Variants in ANK3 observed in about 807,000 individuals in gnomAD.
ANK3 encodes ankyrin 3.
In ANK3, 57 loss-of-function variants were observed where a neutral mutation model predicts 370.9. The ratio of observed to expected loss-of-function variants is 0.15; its 90% CI spans 0.12 to 0.19. The LOEUF is 0.19. Among genes scored for constraint, ANK3 ranks in the 10% least tolerant of loss-of-function variants. The pLI is 1.00. For missense variants in ANK3, 4,439 were observed against 5,302.1 expected (o/e 0.84, Z 5.06); for synonymous variants, 1,929 against 1,946.3 (o/e 0.99, Z 0.23).
intron 2 of ANK3, among the ~76,000 whole-genome samples, chr10:60,428,370 T>C (rs927633319): frequency 6.6e-6 from 1 of 152,182 alleles, no homozygotes; most frequent in African/African-American, 2.4e-5. Context: ...CTCCTCATTT[T>C]ACATGGTGCT....
chr10:60,687,357 A>G (rs1051076786), intron 1 of ANK3, among the ~76,000 whole-genome samples: 1 of 152,172 alleles, frequency 6.6e-6, no homozygotes, highest in Non-Finnish European at 1.5e-5. Flanking sequence ...GCAAATAAAC[A>G]CCTAGGAACC....
intron 1 of ANK3, among the ~76,000 whole-genome samples, chr10:60,714,798 T>A (rs1178819560): frequency 6.6e-6 from 1 of 152,180 alleles, no homozygotes; most frequent in African/African-American, 2.4e-5. Flanking sequence ...GAGACCAGCC[T>A]GGGCAACATG....
chr10:60,152,753 C>A (rs2132253767), intron 23 of ANK3, among the ~76,000 whole-genome samples: 1 of 152,156 alleles, frequency 6.6e-6, no homozygotes, highest in South Asian at 2.1e-4. Flanking sequence ...AAATAAACAC[C>A]ATCCAGGTGA....
chr10:60,399,286 CA>C (rs2063307261), intron 2 of ANK3, among the ~76,000 whole-genome samples: 1 of 152,110 alleles, frequency 6.6e-6, no homozygotes, highest in Admixed American at 6.5e-5. Context: ...AGAACGAGCT[CA>C]GGTCTGTGAC....
rs529076933 is a variant in ANK3 at position 60,631,393 on chromosome 10, A to T, written c.58-16169T>A. Among the ~76,000 whole-genome samples, 108 of 152,102 alleles carry T rather than the reference A, an allele frequency of 7.1e-4. No individual in the cohort carries two copies. The Middle Eastern group carries it at 0.01, about 14-fold the overall frequency. On this transcript the variant is annotated intron_variant, in intron 1 of 43. Coordinates refer to the ANK3 transcript ENST00000373827. ...AATACCAAAAAAAAATTATCTGGGC[A>T]TGGAGGTGCGTGCCTCTAGTCCCAG...
At chr10:60,448,487 T>C (rs972470605) in intron 2 of ANK3, among the ~76,000 whole-genome samples, 1 of 152,208 alleles carries the variant, frequency 6.6e-6, no homozygotes, top group African/African-American at 2.4e-5. Context: ...TTACTGACAT[T>C]TATTGGTGCT....
intron 2 of ANK3, among the ~76,000 whole-genome samples, chr10:60,474,618 C>A (rs1056319065): frequency 2.6e-5 from 4 of 152,170 alleles, no homozygotes; most frequent in African/African-American, 9.7e-5. Context: ...CAATTGTGGC[C>A]TTTCAAATAG....
intron 2 of ANK3, among the ~76,000 whole-genome samples, chr10:60,425,959 G>T (rs2063877541): frequency 6.6e-6 from 1 of 152,036 alleles, no homozygotes; most frequent in Admixed American, 6.6e-5. Context: ...GTTAAAATGG[G>T]TATAATATGA....
intron 2 of ANK3, among the ~76,000 whole-genome samples, chr10:60,461,839 C>G (rs1056241659): frequency 6.6e-6 from 1 of 152,176 alleles, no homozygotes; most frequent in Non-Finnish European, 1.5e-5. Flanking sequence ...AATAGCTTCT[C>G]CTCACATTAA....
chr10:60,039,136 G>A (rs988454821), intron 43 of ANK3, among the ~76,000 whole-genome samples: 1 of 152,168 alleles, frequency 6.6e-6, no homozygotes, highest in Non-Finnish European at 1.5e-5. Context: ...TGTATATCTA[G>A]TCCTTCCACT....
At chr10:60,275,519 T>C (rs2098076428) in intron 4 of ANK3, among the ~76,000 whole-genome samples, 1 of 152,172 alleles carries the variant, frequency 6.6e-6, no homozygotes, top group Non-Finnish European at 1.5e-5. Flanking sequence ...AAGGGTATGG[T>C]GAAAGATTTG....
intron 1 of ANK3, among the ~76,000 whole-genome samples, chr10:60,731,329 T>C (rs934603891): frequency 6.6e-6 from 1 of 152,226 alleles, no homozygotes; most frequent in Non-Finnish European, 1.5e-5. Context: ...CCACACTGTT[T>C]CCTTGGATTC....
chr10:60,493,676 C>A (rs1490417952), intron 2 of ANK3, among the ~76,000 whole-genome samples: 1 of 151,784 alleles, frequency 6.6e-6, no homozygotes, highest in Non-Finnish European at 1.5e-5. Context: ...ATATAGCCAA[C>A]CCCAAAAAAT....
chr10:60,246,344 TTTAA>T (rs564234029), intron 7 of ANK3, among the ~76,000 whole-genome samples: 17 of 151,204 alleles, frequency 1.1e-4, no homozygotes, highest in Non-Finnish European at 2.4e-4. Flanking sequence ...TTCATGAGAC[TTTAA>T]TTAAATGAAA....
chr10:60,277,473 C>A (rs557661526), intron 4 of ANK3, among the ~76,000 whole-genome samples: 25 of 152,244 alleles, frequency 1.6e-4, no homozygotes, highest in Admixed American at 8.5e-4. Context: ...TTTTTCCCAA[C>A]AAAATGATAT....
intron 1 of ANK3, among the ~76,000 whole-genome samples, chr10:60,355,418 T>C (rs1490165770): frequency 6.6e-6 from 1 of 152,182 alleles, no homozygotes; most frequent in Non-Finnish European, 1.5e-5. Context: ...GCCTGTTCCC[T>C]CGGGATCCTT....
At chr10:60,039,482 G>A (rs931826797) in intron 43 of ANK3, among the ~76,000 whole-genome samples, 8 of 152,162 alleles carry the variant, frequency 5.3e-5, no homozygotes, top group Non-Finnish European at 1.0e-4. Context: ...AAAACTATGA[G>A]TCCTTTCACT....
At chr10:60,524,220 G>A (rs1306202771) in intron 2 of ANK3, among the ~76,000 whole-genome samples, 1 of 152,040 alleles carries the variant, frequency 6.6e-6, no homozygotes, top group African/African-American at 2.4e-5. Flanking sequence ...AAGGTCTTGG[G>A]GATTTTAACC....
At chr10:60,230,146 G>A (rs576328442) in intron 8 of ANK3, among the ~76,000 whole-genome samples, 136 of 152,240 alleles carry the variant, frequency 8.9e-4, no homozygotes, top group Non-Finnish European at 1.4e-3. Flanking sequence ...AAAATGGTTC[G>A]GATTTAGGGT....
Sources: gnomAD v4.1 joint callset for allele counts (sites outside exome capture counted in the v4.1 genomes callset) on GRCh38, gnomAD v4.1.1 for gene constraint, MANE v1.5 for transcripts, NCBI Gene and HGNC (gene_info 2026-07-23, HGNC 2026-07-21) for gene names.